Variants in VGLL1 observed in about 807,000 individuals in gnomAD.
VGLL1 encodes the protein transcription cofactor vestigial-like protein 1.
Under a neutral mutation model 12.0 loss-of-function variants are expected in VGLL1, and 4 were observed. The observed-to-expected ratio is 0.33, with a 90% CI of 0.16 to 0.76. The LOEUF is 0.76. Among genes scored for constraint, VGLL1 ranks in the 30% least tolerant of loss-of-function variants. The pLI, the probability that VGLL1 is intolerant of heterozygous loss-of-function variation, is 0.60. For missense variants in VGLL1, 204 were observed against 208.7 expected (o/e 0.98, Z 0.14); for synonymous variants, 87 against 81.2 (o/e 1.07, Z -0.39).
At chrX:136,546,948 G>C (rs944636103) in intron 2 of VGLL1, among the ~76,000 whole-genome samples, 1 of 113,099 alleles carries the variant, frequency 8.8e-6, no homozygotes, top group South Asian at 3.6e-4. Context: ...CACTGTGAAT[G>C]GTGTGAGATG....
chrX:136,551,081 T>C (rs956162698), intron 4 of VGLL1: 8 of 300,921 alleles, frequency 2.7e-5, no homozygotes, highest in Non-Finnish European at 4.6e-5. Flanking sequence ...GTTTCTTTTT[T>C]CTTTTCTTTC....
chrX:136,535,633 C>T (rs2075837622), intron 1 of VGLL1, among the ~76,000 whole-genome samples: 2 of 111,358 alleles, frequency 1.8e-5, no homozygotes, highest in South Asian at 3.8e-4. Context: ...TTGGCTCATT[C>T]GTTTAGGAGA....
At position 136,548,821 on chromosome X, in the gene VGLL1, C is replaced by T. The variant is rs368805958; in HGVS notation, c.447C>T (p.Pro149=). 8.3e-7 allele frequency: 1 copy of T among 1,212,117 alleles called. No homozygotes were observed. Among genetic ancestry groups the T allele is most frequent in the Non-Finnish European group, 1.1e-6 (1 of 895,636 alleles). The change falls in exon 3 of 5, where the codon CCC becomes CCT. Residue 149 remains proline, a synonymous_variant. Coordinates refer to ENST00000370634, the MANE Select transcript of VGLL1 (RefSeq NM_016267.4). ...TSSLEPGYSH[P]FPARHLVPEP... The stretch of plus-strand genomic sequence containing the variant: ...CCTTAGAGCCTGGCTACTCTCATCC[C>T]TTCCCCGCTCGGCACCTGGTTCCAG...
intron 4 of VGLL1, among the ~76,000 whole-genome samples, chrX:136,552,344 G>A (rs953680400): frequency 8.0e-5 from 9 of 112,056 alleles, no homozygotes; most frequent in African/African-American, 2.9e-4. Context: ...CATAGCCAAG[G>A]CAGGCATCAC....
intron 2 of VGLL1, among the ~76,000 whole-genome samples, chrX:136,542,526 A>G (rs1402828033): frequency 8.9e-6 from 1 of 112,633 alleles, no homozygotes; most frequent in Non-Finnish European, 1.9e-5. Context: ...TGGGGTGGTG[A>G]TCAGGTTCTG....
chrX:136,543,325 C>CT (rs1315115291), intron 2 of VGLL1, among the ~76,000 whole-genome samples: 1 of 111,471 alleles, frequency 9.0e-6, no homozygotes, highest in Non-Finnish European at 1.9e-5. Context: ...AAACAATATG[C>CT]TTTTTGTACT....
chrX:136,539,961 C>A (rs1219697268), intron 2 of VGLL1, among the ~76,000 whole-genome samples: 1 of 111,756 alleles, frequency 8.9e-6, no homozygotes, highest in Non-Finnish European at 1.9e-5. Context: ...CTGTCTCACA[C>A]CCCACATCCA....
intron 3 of VGLL1, 118 bp downstream of exon 3, chrX:136,549,126 G>T: frequency 8.2e-6 from 6 of 727,853 alleles, no homozygotes; most frequent in Non-Finnish European, 1.2e-5. Context: ...TAGGGCTGCT[G>T]AGGGAAGGGA....
At chrX:136,549,617 AC>A (rs756637261) in intron 3 of VGLL1, among the ~76,000 whole-genome samples, 1 of 108,461 alleles carries the variant, frequency 9.2e-6, no homozygotes, top group Non-Finnish European at 1.9e-5. Context: ...CCTGACCACC[AC>A]CCCTCCCCTG....
intron 1 of VGLL1, 73 bp from the exon 2 acceptor site, chrX:136,535,923 G>A (rs948123658): frequency 1.9e-5 from 17 of 915,740 alleles, no homozygotes; most frequent in Non-Finnish European, 2.6e-5. Flanking sequence ...TGCCCCCAAG[G>A]ACACTGCTCA....
chrX:136,537,927 A>G (rs1460317624), intron 2 of VGLL1, among the ~76,000 whole-genome samples: 3 of 110,697 alleles, frequency 2.7e-5, no homozygotes, highest in Admixed American at 9.6e-5. Flanking sequence ...CAAAGCATCT[A>G]TGAAAAGAAA....
At chrX:136,542,450 G>A (rs1050869350) in intron 2 of VGLL1, among the ~76,000 whole-genome samples, 4 of 112,057 alleles carry the variant, frequency 3.6e-5, no homozygotes, top group Non-Finnish European at 7.5e-5. Flanking sequence ...CTAACCTATG[G>A]TGTCAGAAGA....
chrX:136,551,912 T>A (rs1603310120), intron 4 of VGLL1, among the ~76,000 whole-genome samples: 1 of 110,194 alleles, frequency 9.1e-6, no homozygotes, highest in East Asian at 2.9e-4. Flanking sequence ...AAGACCCTCA[T>A]CTCCATAAAA....
chrX:136,556,625 G>T lies in VGLL1; in HGVS notation c.*86G>T, dbSNP rs2075901991. 1.1e-6 allele frequency: 1 copy of T among 881,597 alleles called. No homozygotes were observed. The highest frequency in any genetic ancestry group is 1.6e-6 in the Non-Finnish European group (1 of 612,659). 72.7% of individuals were successfully genotyped at this position (881,597 alleles called of 1,213,427 possible). ...ATTGTTCCAGATAAAAATGAAAGCT[G>T]CTCACACCCACTTGCCTCCCCAATC... On this transcript the variant is annotated 3_prime_UTR_variant, in exon 5 of 5. Transcript: ENST00000370634.
At chrX:136,544,629 T>G (rs756955670) in intron 2 of VGLL1, among the ~76,000 whole-genome samples, 8 of 112,693 alleles carry the variant, frequency 7.1e-5, no homozygotes, top group African/African-American at 2.6e-4. Context: ...CATGAGATCA[T>G]GTATGCAGAG....
intron 1 of VGLL1, among the ~76,000 whole-genome samples, chrX:136,533,448 C>T (rs982493787): frequency 1.8e-5 from 2 of 111,636 alleles, no homozygotes; most frequent in Non-Finnish European, 1.9e-5. Context: ...ACACTAGGCA[C>T]ATGCTTCAGG....
chrX:136,545,070 T>G (rs2148531794), intron 2 of VGLL1, among the ~76,000 whole-genome samples: 1 of 112,686 alleles, frequency 8.9e-6, no homozygotes, highest in Non-Finnish European at 1.9e-5. Flanking sequence ...GTGCCAATTG[T>G]GTACCAGGCA....
intron 1 of VGLL1, 76 bp from the exon 2 acceptor site, chrX:136,535,920 A>G (rs2075838305): frequency 3.3e-6 from 3 of 898,880 alleles, no homozygotes; most frequent in Non-Finnish European, 4.7e-6. Context: ...GCTTGCCCCC[A>G]AGGACACTGC....
chrX:136,539,094 A>C (rs1249694262), intron 2 of VGLL1, among the ~76,000 whole-genome samples: 1 of 111,931 alleles, frequency 8.9e-6, no homozygotes, highest in Non-Finnish European at 1.9e-5. Context: ...TCGGGCAGTT[A>C]ATACACAGAC....
Sources: allele counts gnomAD v4.1 joint callset (sites outside exome capture counted in the v4.1 genomes callset), GRCh38; gene constraint gnomAD v4.1.1; transcripts MANE v1.5; gene names NCBI Gene and HGNC (gene_info 2026-07-23, HGNC 2026-07-21).